The following COL22A1 variants were observed in gnomAD, a reference collection of about 807,000 sequenced individuals.
COL22A1 encodes the protein collagen alpha-1(XXII) chain.
In COL22A1, 221 loss-of-function variants were observed where a neutral mutation model predicts 248.9. The ratio of observed to expected loss-of-function variants is 0.89; its 90% confidence interval spans 0.80 to 0.99. The LOEUF (loss-of-function observed/expected upper bound fraction) is 0.99. COL22A1 is among the 50% of genes least tolerant of loss of function. The pLI, the probability that COL22A1 is intolerant of heterozygous loss-of-function variation, is 0.00. For synonymous variants in COL22A1, 891 were observed against 793.4 expected, an observed-to-expected ratio of 1.12 and a Z score of -2.07; for missense variants, 2,240 against 2,179.0, an observed-to-expected ratio of 1.03 and a Z score of -0.56.
At chr8:138,829,350 A>G (rs1044989425) in intron 5 of COL22A1, among the ~76,000 whole-genome samples, 2 of 145,268 alleles carry the variant, frequency 1.4e-5, no homozygotes, top group African/African-American at 2.5e-5. Flanking sequence ...ACAGATCAGT[A>G]TGCTGCTTTG....
chr8:138,903,196 G>A (rs1814749499), intron 1 of COL22A1, among the ~76,000 whole-genome samples: 1 of 152,148 alleles, frequency 6.6e-6, no homozygotes, highest in South Asian at 2.1e-4. Flanking sequence ...AGCCTGATGT[G>A]CTGAGTCAGT....
At chr8:138,689,737 T>C (rs1388317750) in intron 36 of COL22A1, among the ~76,000 whole-genome samples, 1 of 151,896 alleles carries the variant, frequency 6.6e-6, no homozygotes, top group African/African-American at 2.4e-5. Context: ...TAAAAATAAA[T>C]AAAGCAGGGG....
At chr8:138,835,413 G>A (rs927385589) in intron 4 of COL22A1, among the ~76,000 whole-genome samples, 10 of 152,200 alleles carry the variant, frequency 6.6e-5, no homozygotes, top group African/African-American at 2.2e-4. Flanking sequence ...CTCTGGAGAC[G>A]GTTGGTTTGT....
chr8:138,632,079 G>A (rs565328123), intron 49 of COL22A1, among the ~76,000 whole-genome samples: 3 of 152,328 alleles, frequency 2.0e-5, no homozygotes, highest in African/African-American at 7.2e-5. Flanking sequence ...GTTGAGTCAT[G>A]TAACATCTCT....
intron 35 of COL22A1, among the ~76,000 whole-genome samples, chr8:138,692,704 G>C (rs376206937): frequency 4.6e-5 from 7 of 152,128 alleles, no homozygotes; most frequent in African/African-American, 1.7e-4. Flanking sequence ...CTGTCCCCGG[G>C]TTTTGCACAT....
intron 4 of COL22A1, among the ~76,000 whole-genome samples, chr8:138,843,567 G>T (rs1821033524): frequency 6.6e-6 from 1 of 152,118 alleles, no homozygotes; most frequent in Non-Finnish European, 1.5e-5. Flanking sequence ...GAACCACCTC[G>T]GCCATACCCC....
chr8:138,760,385 G>T, intron 17 of COL22A1, 98 bp from the exon 18 acceptor site: 2 of 1,140,998 alleles, frequency 1.8e-6, no homozygotes, highest in Non-Finnish European at 2.5e-6. Flanking sequence ...GCCCACTGTG[G>T]CTAGACTTTT....
At chr8:138,675,344 T>G (rs1406029213) in intron 41 of COL22A1, among the ~76,000 whole-genome samples, 2 of 152,218 alleles carry the variant, frequency 1.3e-5, no homozygotes, top group East Asian at 3.9e-4. Context: ...GGATTTTCCT[T>G]CTTATTCTTT....
intron 27 of COL22A1, among the ~76,000 whole-genome samples, chr8:138,719,647 C>T (rs1174094587): frequency 6.6e-6 from 1 of 152,216 alleles, no homozygotes; most frequent in Non-Finnish European, 1.5e-5. Flanking sequence ...TGCCCACCAG[C>T]ACCTTCCCTG....
At chr8:138,655,453 G>A (rs1277563688) in intron 45 of COL22A1, among the ~76,000 whole-genome samples, 1 of 152,102 alleles carries the variant, frequency 6.6e-6, no homozygotes, top group Non-Finnish European at 1.5e-5. Flanking sequence ...CTACCTCCCG[G>A]GCTCAAGTGA....
At chr8:138,684,749 C>T (rs147774457) in intron 38 of COL22A1, among the ~76,000 whole-genome samples, 36 of 152,298 alleles carry the variant, frequency 2.4e-4, no homozygotes, top group African/African-American at 8.4e-4. Flanking sequence ...TATAGACTTG[C>T]GCAAGTAAGG....
intron 16 of COL22A1, among the ~76,000 whole-genome samples, chr8:138,769,580 A>G (rs1338671516): frequency 6.6e-6 from 1 of 152,148 alleles, no homozygotes; most frequent in Non-Finnish European, 1.5e-5. Context: ...TTCTAGGAGC[A>G]GCACATCCTA....
In COL22A1 at chr8:138,864,522, C is replaced by T. The variant is rs1822718484; in HGVS notation, c.658+13228G>A. Among the ~76,000 whole-genome samples, 3 of 152,054 alleles carry T rather than the reference C, an allele frequency of 2.0e-5. No individual in the cohort carries two copies. The South Asian group carries it at 6.2e-4, about 32-fold the overall frequency. On this transcript the variant is annotated intron_variant, in intron 3 of 64. Transcript: ENST00000303045. ...AGGATGCTGTATTCAAACCTGCCTCCCAGGTTTTTGTGCAGGCATATTTGT... is the reference window on the plus strand; with the variant it reads ...AGGATGCTGTATTCAAACCTGCCTCTCAGGTTTTTGTGCAGGCATATTTGT...
intron 56 of COL22A1, among the ~76,000 whole-genome samples, chr8:138,612,532 C>T (rs73450504): frequency 0.03 from 4,564 of 152,134 alleles, 170 homozygotes; most frequent in African/African-American, 0.088. Flanking sequence ...TGAATGTGAC[C>T]GAATTGGGAA....
chr8:138,740,605 T>C (rs1207654876), intron 22 of COL22A1, among the ~76,000 whole-genome samples: 1 of 152,098 alleles, frequency 6.6e-6, no homozygotes, highest in Non-Finnish European at 1.5e-5. Context: ...TTGAATCAAT[T>C]GATCTGGAAG....
chr8:138,650,041 C>T (rs184504670), intron 45 of COL22A1, among the ~76,000 whole-genome samples: 132 of 152,244 alleles, frequency 8.7e-4, no homozygotes, highest in African/African-American at 3.0e-3. Flanking sequence ...CTATTTCCAC[C>T]CAGACTTCTG....
chr8:138,771,124 C>G (rs1463469318), intron 16 of COL22A1, among the ~76,000 whole-genome samples: 2 of 152,212 alleles, frequency 1.3e-5, no homozygotes, highest in Non-Finnish European at 2.9e-5. Flanking sequence ...CAGGGCTGCT[C>G]TAGCCACGGC....
chr8:138,872,963 C>T (rs150206812), intron 3 of COL22A1, among the ~76,000 whole-genome samples: 1,710 of 152,274 alleles, frequency 0.011, 19 homozygotes, highest in Admixed American at 0.023. Flanking sequence ...TTTCCAAGTT[C>T]GTTTCAGTCA....
At chr8:138,822,813 T>G (rs544007897) in intron 6 of COL22A1, among the ~76,000 whole-genome samples, 1 of 152,268 alleles carries the variant, frequency 6.6e-6, no homozygotes, top group East Asian at 1.9e-4. Context: ...TGTCCCTCCA[T>G]GTGCCCCAGT....
Sources: gnomAD v4.1 joint callset for allele counts (sites outside exome capture counted in the v4.1 genomes callset) on GRCh38, gnomAD v4.1.1 for gene constraint, MANE v1.5 for transcripts, NCBI Gene and HGNC (gene_info 2026-07-23, HGNC 2026-07-21) for gene names.